Variants in ZNF385D observed in about 807,000 individuals in gnomAD.
ZNF385D encodes the protein zinc finger protein 385D.
A neutral mutation model predicts 35.8 loss-of-function variants in ZNF385D; 15 were observed. The ratio of observed to expected loss-of-function variants is 0.42; its 90% CI spans 0.28 to 0.64. The LOEUF (loss-of-function observed/expected upper bound fraction) is 0.64, where lower values mean the gene tolerates loss of function less well. ZNF385D is among the 30% of genes least tolerant of loss of function. ZNF385D has a pLI of 0.23. For missense variants in ZNF385D, 474 were observed against 494.6 expected, an observed-to-expected ratio of 0.96 and a Z score of 0.39; for synonymous variants, 212 against 186.8, an observed-to-expected ratio of 1.13 and a Z score of -1.10.
chr3:21,678,791 CAT>C (rs745319293), intron 1 of ZNF385D, among the ~76,000 whole-genome samples: 11 of 152,090 alleles, frequency 7.2e-5, no homozygotes, highest in Non-Finnish European at 1.2e-4. Context: ...ATCTGTACTG[CAT>C]ATAGTTTTCA....
intron 1 of ZNF385D, among the ~76,000 whole-genome samples, chr3:21,682,288 T>G (rs1182969894): frequency 2.2e-5 from 3 of 133,770 alleles, no homozygotes; most frequent in Non-Finnish European, 5.0e-5. Flanking sequence ...TTATGAAAGA[T>G]GTACACAACC....
Position 22,142,633 on chromosome 3 carries a change from C to G in ZNF385D, c.325+26184G>C, listed in dbSNP as rs186529915. 2.4e-3 allele frequency among the ~76,000 whole-genome samples: 358 copies of G among 152,206 alleles called. 3 individuals carry two copies. The highest frequency in any genetic ancestry group is 3.4e-3 in the Non-Finnish European group (233 of 68,012). ...GCACAGATTGTGTTAATGGTATAGACTAGATCAATCCAAGTCATTGCTCTC... is the reference window on the plus strand; with the variant it reads ...GCACAGATTGTGTTAATGGTATAGAGTAGATCAATCCAAGTCATTGCTCTC... On this transcript the variant is annotated intron_variant, in intron 3 of 5. Coordinates refer to the ZNF385D transcript ENST00000494108.
At chr3:21,938,382 T>C (rs1424088695) in intron 3 of ZNF385D, among the ~76,000 whole-genome samples, 1 of 152,148 alleles carries the variant, frequency 6.6e-6, no homozygotes, top group Non-Finnish European at 1.5e-5. Context: ...TGTAACTTAA[T>C]TGGGCTGCAA....
At chr3:22,316,885 T>C (rs761612464) in intron 2 of ZNF385D, among the ~76,000 whole-genome samples, 3 of 152,072 alleles carry the variant, frequency 2.0e-5, no homozygotes, top group Non-Finnish European at 4.4e-5. Flanking sequence ...AAAATCAAGG[T>C]CTCTCTAACC....
At chr3:21,866,171 G>T (rs1697345438) in intron 3 of ZNF385D, among the ~76,000 whole-genome samples, 2 of 151,800 alleles carry the variant, frequency 1.3e-5, no homozygotes, top group African/African-American at 2.4e-5. Flanking sequence ...AAAAACACTG[G>T]GCTGGGCGCA....
intron 3 of ZNF385D, among the ~76,000 whole-genome samples, chr3:21,964,255 G>A (rs186213868): frequency 2.7e-5 from 4 of 150,888 alleles, no homozygotes; most frequent in South Asian, 2.1e-4. Flanking sequence ...TCCTTCATTC[G>A]CTAAAAACTG....
In ZNF385D at chr3:21,424,315, A is replaced by ATT. The variant is rs200706419; in HGVS notation, c.853-252_853-251insAA. On this transcript the variant is annotated intron_variant, in intron 6 of 7. Transcript: ENST00000281523. The stretch of plus-strand genomic sequence containing the variant: ...TATATATATATTTATATATATATAT[A>ATT]TATTTTTTTTTTTTTTTGAGATGGA... 6.4e-3 allele frequency among the ~76,000 whole-genome samples: 303 copies of ATT among 47,034 alleles called. 16 individuals are homozygous for ATT. In the East Asian group the frequency reaches 0.1, roughly 15 times the overall value. The allele number at this position is 47,034 out of a possible 152,430, so 30.9% of individuals were successfully genotyped here. A position where few individuals can be genotyped will look rare whatever the true frequency, so the allele number is the denominator to read the frequency against.
intron 2 of ZNF385D, among the ~76,000 whole-genome samples, chr3:22,338,254 T>C (rs1033105333): frequency 6.6e-6 from 1 of 152,218 alleles, no homozygotes; most frequent in African/African-American, 2.4e-5. Flanking sequence ...AGTATAAAAC[T>C]TGATTAAACC....
chr3:22,216,916 G>T (rs1190283279), intron 2 of ZNF385D, among the ~76,000 whole-genome samples: 1 of 152,106 alleles, frequency 6.6e-6, no homozygotes, highest in South Asian at 2.1e-4. Flanking sequence ...ATATGATGAA[G>T]ATGAGTGAGC....
At chr3:22,014,747 TTAAA>T (rs1696780416) in intron 3 of ZNF385D, among the ~76,000 whole-genome samples, 1 of 152,098 alleles carries the variant, frequency 6.6e-6, no homozygotes, top group South Asian at 2.1e-4. Flanking sequence ...AGAATTGTGA[TTAAA>T]TATATTAATA....
intron 3 of ZNF385D, among the ~76,000 whole-genome samples, chr3:22,104,967 T>C (rs981674536): frequency 2.0e-5 from 3 of 152,168 alleles, no homozygotes; most frequent in South Asian, 2.1e-4. Context: ...ACAACGTCTT[T>C]ACATTGACCC....
At chr3:22,172,331 A>G (rs1299506840) in intron 2 of ZNF385D, among the ~76,000 whole-genome samples, 1 of 152,200 alleles carries the variant, frequency 6.6e-6, no homozygotes, top group African/African-American at 2.4e-5. Flanking sequence ...ACTCTTGCAG[A>G]CTCACAGGAA....
At chr3:21,671,077 G>A (rs958224386) in intron 1 of ZNF385D, among the ~76,000 whole-genome samples, 4 of 152,038 alleles carry the variant, frequency 2.6e-5, no homozygotes, top group African/African-American at 9.7e-5. Flanking sequence ...GAGGCATAAA[G>A]CTCAGTTGTG....
At chr3:21,447,137 C>T (rs537762071) in intron 4 of ZNF385D, among the ~76,000 whole-genome samples, 1 of 152,208 alleles carries the variant, frequency 6.6e-6, no homozygotes, top group East Asian at 1.9e-4. Flanking sequence ...GTGGGTCTGG[C>T]TATTGTACAT....
chr3:21,664,005 T>C (rs1331223295), intron 2 of ZNF385D, among the ~76,000 whole-genome samples: 1 of 148,402 alleles, frequency 6.7e-6, no homozygotes, highest in South Asian at 2.1e-4. Flanking sequence ...TGACCTCTCA[T>C]GTTAATCCTT....
In ZNF385D at chr3:21,420,665, T is replaced by C. The variant is rs190065710; in HGVS notation, c.*549A>G. ...GGCATAGATTGAGACACAGCACTATTGTTTTACAAGACATCTACTGTATCT... is the reference window on the plus strand; with the variant it reads ...GGCATAGATTGAGACACAGCACTATCGTTTTACAAGACATCTACTGTATCT... On this transcript the variant is annotated 3_prime_UTR_variant, in exon 8 of 8. Coordinates refer to ENST00000281523, the MANE Select transcript of ZNF385D (RefSeq NM_024697.3). 3.1e-3 allele frequency: 472 copies of C among 152,910 alleles called. 4 individuals carry two copies. The highest frequency in any genetic ancestry group is 3.8e-3 in the Non-Finnish European group (262 of 68,456). The allele number at this position is 152,910 out of a possible 1,614,324, so 9.5% of individuals were successfully genotyped here.
chr3:22,037,421 G>C (rs976548233), intron 3 of ZNF385D, among the ~76,000 whole-genome samples: 1 of 151,998 alleles, frequency 6.6e-6, no homozygotes, highest in South Asian at 2.1e-4. Flanking sequence ...GTGTGAGATG[G>C]TATCTCATTG....
intron 3 of ZNF385D, among the ~76,000 whole-genome samples, chr3:22,152,728 C>T (rs142049016): frequency 6.6e-6 from 1 of 152,270 alleles, no homozygotes; most frequent in East Asian, 1.9e-4. Context: ...ATCTCAAGAC[C>T]ATGAATTTGA....
At chr3:21,645,428 T>A (rs1252197517) in intron 2 of ZNF385D, among the ~76,000 whole-genome samples, 1 of 152,166 alleles carries the variant, frequency 6.6e-6, no homozygotes, top group African/African-American at 2.4e-5. Context: ...ACTGACTCCT[T>A]TAGTCTTGAA....
Sources: gnomAD v4.1 joint callset for allele counts (sites outside exome capture counted in the v4.1 genomes callset) on GRCh38, gnomAD v4.1.1 for gene constraint, MANE v1.5 for transcripts, NCBI Gene and HGNC (gene_info 2026-07-23, HGNC 2026-07-21) for gene names.